Variants in NR6A1 observed in about 807,000 individuals in gnomAD.
NR6A1 encodes nuclear receptor subfamily 6 group A member 1, also known as retinoic acid receptor-related testis-associated receptor.
NR6A1 carries 7 observed loss-of-function variants against 59.1 expected under a neutral mutation model. That is an observed-to-expected ratio of 0.12 (90% CI 0.07 to 0.22). NR6A1 has a LOEUF of 0.22. NR6A1 is among the 10% of genes least tolerant of loss of function. NR6A1 has a pLI of 1.00. For missense variants in NR6A1, 468 were observed against 611.6 expected, an observed-to-expected ratio of 0.77 and a Z score of 2.48; for synonymous variants, 243 against 236.1, an observed-to-expected ratio of 1.03 and a Z score of -0.27.
At chr9:124,568,195 A>AAC (rs71372975) in intron 2 of NR6A1, among the ~76,000 whole-genome samples, 1 of 146,740 alleles carries the variant, frequency 6.8e-6, no homozygotes, top group East Asian at 2.0e-4. Context: ...AAAAAAAAAA[A>AAC]GAAACAGAGG....
At chr9:124,638,065 C>G (rs919998026) in intron 2 of NR6A1, among the ~76,000 whole-genome samples, 1 of 151,836 alleles carries the variant, frequency 6.6e-6, no homozygotes, top group African/African-American at 2.4e-5. Flanking sequence ...CTGGACAATA[C>G]AGTGAGATCC....
At chr9:124,705,735 C>A (rs1839109273) in intron 2 of NR6A1, among the ~76,000 whole-genome samples, 1 of 151,368 alleles carries the variant, frequency 6.6e-6, no homozygotes, top group Non-Finnish European at 1.5e-5. Flanking sequence ...TCTATTGTAT[C>A]ATCTTTTGTG....
intron 2 of NR6A1, chr9:124,698,176 A>G (rs1838827197): frequency 6.6e-6 from 1 of 152,248 alleles, no homozygotes; most frequent in Non-Finnish European, 1.5e-5. Flanking sequence ...ACCAATAAGC[A>G]TAAACTATTT....
intron 2 of NR6A1, among the ~76,000 whole-genome samples, chr9:124,662,551 A>G (rs1261906902): frequency 1.3e-5 from 2 of 152,196 alleles, no homozygotes; most frequent in Non-Finnish European, 2.9e-5. Flanking sequence ...AGCTATTATT[A>G]TTACATTTTT....
chr9:124,705,922 C>T (rs1192736632), intron 2 of NR6A1, among the ~76,000 whole-genome samples: 1 of 151,858 alleles, frequency 6.6e-6, no homozygotes, highest in Non-Finnish European at 1.5e-5. Flanking sequence ...ATTACAGGTG[C>T]TCGTGACCAT....
intron 1 of NR6A1, among the ~76,000 whole-genome samples, chr9:124,759,301 A>G (rs765212589): frequency 1.8e-4 from 27 of 152,212 alleles, no homozygotes; most frequent in Non-Finnish European, 2.9e-4. Context: ...GCAAACAGCC[A>G]CTAGTTTATT....
intron 7 of NR6A1, among the ~76,000 whole-genome samples, chr9:124,532,335 G>A (rs1429696031): frequency 6.6e-6 from 1 of 152,114 alleles, no homozygotes; most frequent in Non-Finnish European, 1.5e-5. Context: ...CAGCTCAAAT[G>A]TCTGTTCCTC....
intron 2 of NR6A1, among the ~76,000 whole-genome samples, chr9:124,681,228 G>T (rs1327868921): frequency 6.6e-6 from 1 of 151,516 alleles, no homozygotes; most frequent in Non-Finnish European, 1.5e-5. Context: ...ACAAATTGTG[G>T]TTATTCACAC....
chr9:124,654,991 T>C (rs952983689), intron 2 of NR6A1, among the ~76,000 whole-genome samples: 1 of 151,710 alleles, frequency 6.6e-6, no homozygotes. Context: ...TTAACTGCAC[T>C]TTCAAAATAA....
chr9:124,612,079 A>AG (rs1835767491), intron 2 of NR6A1, among the ~76,000 whole-genome samples: 1 of 152,246 alleles, frequency 6.6e-6, no homozygotes, highest in Non-Finnish European at 1.5e-5. Context: ...TCCCAGAGAA[A>AG]GTGATAGCTG....
intron 2 of NR6A1, among the ~76,000 whole-genome samples, chr9:124,557,709 G>A (rs1413948018): frequency 4.6e-5 from 7 of 152,124 alleles, no homozygotes; most frequent in Non-Finnish European, 1.0e-4. Context: ...GTTTGAGATG[G>A]GATTTCCTAG....
At chr9:124,658,515 G>A (rs1347639230) in intron 2 of NR6A1, 1 of 151,936 alleles carries the variant, frequency 6.6e-6, no homozygotes, top group Admixed American at 6.6e-5. Flanking sequence ...TGTTTTAACT[G>A]ACAAACTCAT....
chr9:124,552,210 G>A (rs951137650), intron 3 of NR6A1, among the ~76,000 whole-genome samples: 4 of 152,220 alleles, frequency 2.6e-5, no homozygotes, highest in Non-Finnish European at 5.9e-5. Flanking sequence ...TACTCACAGT[G>A]AGGGCAACAA....
chr9:124,663,721 T>C (rs969494027), intron 2 of NR6A1, among the ~76,000 whole-genome samples: 2 of 152,180 alleles, frequency 1.3e-5, no homozygotes, highest in Non-Finnish European at 2.9e-5. Flanking sequence ...TCCATTTAAA[T>C]TTTAAATTAA....
rs1837630609 is a variant in NR6A1 at position 124,666,634 on chromosome 9, C to G, written c.142+66674G>C. 3.9e-5 allele frequency among the ~76,000 whole-genome samples: 6 copies of G among 152,164 alleles called. No individual in the cohort carries two copies. In the South Asian group the frequency reaches 1.2e-3, roughly 31 times the overall value. On this transcript the variant is annotated intron_variant, in intron 2 of 9. Transcript: ENST00000487099. The stretch of plus-strand genomic sequence containing the variant: ...TGTCAGGCTCATTTCTCTGTATAAT[C>G]CTCTATTACTAGAACAGAAAAATTC...
intron 1 of NR6A1, among the ~76,000 whole-genome samples, chr9:124,754,023 A>T (rs1191436515): frequency 6.6e-6 from 1 of 152,226 alleles, no homozygotes; most frequent in Non-Finnish European, 1.5e-5. Context: ...GCCAAAATAA[A>T]GTATTTCATT....
At chr9:124,654,126 G>T (rs1024368375) in intron 2 of NR6A1, among the ~76,000 whole-genome samples, 1 of 152,190 alleles carries the variant, frequency 6.6e-6, no homozygotes, top group Non-Finnish European at 1.5e-5. Flanking sequence ...GGTTATAAAA[G>T]AAATATGATT....
At chr9:124,714,100 A>G (rs1337821273) in intron 2 of NR6A1, among the ~76,000 whole-genome samples, 1 of 152,222 alleles carries the variant, frequency 6.6e-6, no homozygotes, top group Non-Finnish European at 1.5e-5. Context: ...CAACATAGAT[A>G]AACTTTAGGC....
chr9:124,768,567 T>C (rs564172373), intron 1 of NR6A1, among the ~76,000 whole-genome samples: 1 of 152,316 alleles, frequency 6.6e-6, no homozygotes, highest in African/African-American at 2.4e-5. Flanking sequence ...AAGTTCCCAT[T>C]GTATTTTCAG....
Sources: allele counts gnomAD v4.1 joint callset (sites outside exome capture counted in the v4.1 genomes callset), GRCh38; gene constraint gnomAD v4.1.1; transcripts MANE v1.5; gene names NCBI Gene and HGNC (gene_info 2026-07-23, HGNC 2026-07-21).